C10orf90: variants seen among roughly 807,000 people sequenced by gnomAD.
C10orf90 encodes the protein (E2-independent) E3 ubiquitin-conjugating enzyme FATS.
C10orf90 carries 56 observed loss-of-function variants against 62.5 expected under a neutral mutation model. The observed-to-expected ratio is 0.90, with a 90% CI of 0.72 to 1.12. C10orf90 has a LOEUF of 1.12. Among genes scored for constraint, C10orf90 ranks in the 50% most tolerant of loss-of-function variants. The probability of loss-of-function intolerance (pLI) is 0.00; values close to 1 mark genes in which losing one functional copy is unlikely to be tolerated. For missense variants in C10orf90, 970 were observed against 880.4 expected, an observed-to-expected ratio of 1.10 and a Z score of -1.29; for synonymous variants, 386 against 340.4, an observed-to-expected ratio of 1.13 and a Z score of -1.47.
chr10:126,494,891 G>T (rs1423570931), intron 4 of C10orf90, among the ~76,000 whole-genome samples: 1 of 152,234 alleles, frequency 6.6e-6, no homozygotes, highest in African/African-American at 2.4e-5. Flanking sequence ...CCTGTCCTGT[G>T]CACCTGCCCT....
At chr10:126,449,878 T>A (rs1859054308) in intron 7 of C10orf90, among the ~76,000 whole-genome samples, 1 of 151,930 alleles carries the variant, frequency 6.6e-6, no homozygotes, top group Non-Finnish European at 1.5e-5. Flanking sequence ...GTACCTGTAG[T>A]TCCAGCTACT....
At chr10:126,662,510 G>A (rs976427810) in intron 1 of C10orf90, among the ~76,000 whole-genome samples, 1 of 152,140 alleles carries the variant, frequency 6.6e-6, no homozygotes, top group African/African-American at 2.4e-5. Context: ...AGTGTGCCTT[G>A]CAAATAACAG....
intron 1 of C10orf90, among the ~76,000 whole-genome samples, chr10:126,664,055 G>A (rs1467795894): frequency 3.3e-5 from 5 of 152,180 alleles, no homozygotes; most frequent in African/African-American, 7.2e-5. Flanking sequence ...TCTCTTGTCC[G>A]TGATGGAATT....
intron 7 of C10orf90, among the ~76,000 whole-genome samples, chr10:126,458,322 CTG>C (rs1859719082): frequency 6.6e-6 from 1 of 152,192 alleles, no homozygotes; most frequent in South Asian, 2.1e-4. Context: ...AGGAATAAAA[CTG>C]GGGTTTCTCC....
intron 4 of C10orf90, among the ~76,000 whole-genome samples, chr10:126,499,577 T>G (rs1862263762): frequency 6.6e-6 from 1 of 152,164 alleles, no homozygotes; most frequent in Non-Finnish European, 1.5e-5. Flanking sequence ...GTAAGTGAGA[T>G]AAGCCTCACT....
At chr10:126,538,772 C>T (rs896530409) in intron 2 of C10orf90, among the ~76,000 whole-genome samples, 4 of 152,184 alleles carry the variant, frequency 2.6e-5, no homozygotes, top group Admixed American at 6.5e-5. Context: ...CTTGGAAGCC[C>T]ATGCTTAACC....
intron 2 of C10orf90, among the ~76,000 whole-genome samples, chr10:126,600,236 G>A (rs555224743): frequency 2.6e-4 from 39 of 152,358 alleles, no homozygotes; most frequent in Admixed American, 1.7e-3. Context: ...GGTCCAGACG[G>A]CCAGCAGGAA....
At chr10:126,600,406 C>A (rs1293398897) in intron 2 of C10orf90, among the ~76,000 whole-genome samples, 1 of 152,172 alleles carries the variant, frequency 6.6e-6, no homozygotes, top group Non-Finnish European at 1.5e-5. Context: ...TGTGCAGAAA[C>A]CTGTGCCTGC....
At chr10:126,438,774 T>C (rs1858095012) in intron 7 of C10orf90, among the ~76,000 whole-genome samples, 1 of 151,884 alleles carries the variant, frequency 6.6e-6, no homozygotes, top group Admixed American at 6.6e-5. Context: ...TGTGTGTGTG[T>C]GTATCTGGCA....
At chr10:126,598,616 T>C (rs2576022) in intron 2 of C10orf90, among the ~76,000 whole-genome samples, 17,056 of 152,126 alleles carry the variant, frequency 0.11, 1,731 homozygotes, top group African/African-American at 0.25. Flanking sequence ...AGATCTGTAA[T>C]TAAGCTACTC....
At chr10:126,525,488 G>A (rs2133947977) in intron 2 of C10orf90, among the ~76,000 whole-genome samples, 1 of 152,326 alleles carries the variant, frequency 6.6e-6, no homozygotes, top group South Asian at 2.1e-4. Flanking sequence ...AGAATGTCTA[G>A]AGCCCAGAGC....
At chr10:126,452,948 T>G (rs1859300969) in intron 7 of C10orf90, among the ~76,000 whole-genome samples, 1 of 152,146 alleles carries the variant, frequency 6.6e-6, no homozygotes, top group Non-Finnish European at 1.5e-5. Flanking sequence ...ATCAGACCGG[T>G]CAACAGGAAG....
intron 4 of C10orf90, among the ~76,000 whole-genome samples, chr10:126,490,051 T>C (rs1037829839): frequency 4.4e-5 from 4 of 90,846 alleles, no homozygotes; most frequent in African/African-American, 1.6e-4. Context: ...TATTATATAT[T>C]ATGTTATATA....
chr10:126,465,639 C>T (rs181715895), intron 4 of C10orf90, among the ~76,000 whole-genome samples: 131 of 152,208 alleles, frequency 8.6e-4, no homozygotes, highest in Non-Finnish European at 1.5e-3. Flanking sequence ...AACAATTTAT[C>T]GGGTCAACGT....
At chr10:126,649,073 C>CG (rs529037093) in intron 1 of C10orf90, among the ~76,000 whole-genome samples, 1 of 51,810 alleles carries the variant, frequency 1.9e-5, no homozygotes, top group African/African-American at 6.1e-5. Context: ...TCTCTCTCTC[C>CG]CCCCCCCCCA....
intron 2 of C10orf90, among the ~76,000 whole-genome samples, chr10:126,596,351 T>A (rs927315226): frequency 1.3e-5 from 2 of 149,480 alleles, no homozygotes; most frequent in Non-Finnish European, 3.0e-5. Flanking sequence ...AATTAAAATC[T>A]TGTGCTCCTT....
At chr10:126,512,771 T>A (rs1409024758) in intron 3 of C10orf90, among the ~76,000 whole-genome samples, 1 of 152,156 alleles carries the variant, frequency 6.6e-6, no homozygotes, top group Admixed American at 6.5e-5. Flanking sequence ...TAGCCATGCA[T>A]CTTTACATCT....
chr10:126,540,665 TAAA>T (rs59077222), intron 2 of C10orf90, among the ~76,000 whole-genome samples: 2,232 of 134,666 alleles, frequency 0.017, 67 homozygotes, highest in African/African-American at 0.057. Context: ...AGACCTTGTC[TAAA>T]AAAAAAAAAA....
At chr10:126,481,492 C>A (rs375693696) in intron 4 of C10orf90, among the ~76,000 whole-genome samples, 1 of 152,244 alleles carries the variant, frequency 6.6e-6, no homozygotes, top group Non-Finnish European at 1.5e-5. Context: ...GGATTTCATT[C>A]AGCCAAAAGA....
Sources: gnomAD v4.1 joint callset for allele counts (sites outside exome capture counted in the v4.1 genomes callset) on GRCh38, gnomAD v4.1.1 for gene constraint, MANE v1.5 for transcripts, NCBI Gene and HGNC (gene_info 2026-07-23, HGNC 2026-07-21) for gene names.